Variants in MYO3B observed in about 807,000 individuals in gnomAD.
The protein encoded by MYO3B is myosin IIIB, also known as myosin-IIIb.
In MYO3B, 156 loss-of-function variants were observed where a neutral mutation model predicts 174.6. The observed-to-expected ratio is 0.89, with a 90% CI of 0.78 to 1.02. The LOEUF is 1.02. Ranked by LOEUF, MYO3B falls within the 50% of genes least tolerant of loss-of-function variation. The pLI, the probability that MYO3B is intolerant of heterozygous loss-of-function variation, is 0.00. For synonymous variants in MYO3B, 563 were observed against 569.1 expected, an observed-to-expected ratio of 0.99 and a Z score of 0.15; for missense variants, 1,632 against 1,639.4, an observed-to-expected ratio of 1.00 and a Z score of 0.08.
chr2:170,514,773 C>T (rs1293729472), intron 28 of MYO3B, 148 bp from the exon 29 acceptor site: 3 of 606,704 alleles, frequency 4.9e-6, no homozygotes, highest in Non-Finnish European at 8.7e-6. Flanking sequence ...AAAATAAGCA[C>T]CAAGTTCATA....
At chr2:170,193,383 T>G (rs2092562931) in intron 1 of MYO3B, among the ~76,000 whole-genome samples, 1 of 152,054 alleles carries the variant, frequency 6.6e-6, no homozygotes, top group Non-Finnish European at 1.5e-5. Context: ...ATCATTTACC[T>G]GGTTTATCTT....
At chr2:170,526,488 C>A (rs1379132489) in intron 30 of MYO3B, among the ~76,000 whole-genome samples, 1 of 152,196 alleles carries the variant, frequency 6.6e-6, no homozygotes, top group Non-Finnish European at 1.5e-5. Flanking sequence ...AATGCTCACT[C>A]TCTGCTTTAA....
At chr2:170,382,703 C>T (rs1037735342) in intron 10 of MYO3B, 3 of 185,666 alleles carry the variant, frequency 1.6e-5, no homozygotes, top group African/African-American at 7.1e-5. Context: ...GAGAAATTAA[C>T]TTACCATTCT....
intron 32 of MYO3B, among the ~76,000 whole-genome samples, chr2:170,594,434 C>T (rs547637087): frequency 6.6e-6 from 1 of 152,298 alleles, no homozygotes; most frequent in African/African-American, 2.4e-5. Flanking sequence ...ATTTTAGTCC[C>T]TGGAATACCT....
At chr2:170,533,719 A>G (rs10515938) in intron 30 of MYO3B, among the ~76,000 whole-genome samples, 16,919 of 152,198 alleles carry the variant, frequency 0.11, 1,094 homozygotes, top group Admixed American at 0.19. Context: ...GCAAAATCAT[A>G]AACAATAAGT....
intron 32 of MYO3B, among the ~76,000 whole-genome samples, chr2:170,550,657 G>A (rs1390456585): frequency 6.6e-6 from 1 of 152,188 alleles, no homozygotes; most frequent in Non-Finnish European, 1.5e-5. Context: ...AGACACTTAA[G>A]AGACTAATAC....
intron 26 of MYO3B, among the ~76,000 whole-genome samples, chr2:170,499,413 C>T (rs1268823480): frequency 2.6e-5 from 4 of 152,230 alleles, no homozygotes; most frequent in South Asian, 2.1e-4. Context: ...CATTTGGAAT[C>T]GCTTAAACCC....
At chr2:170,329,230 A>AGTGTGTGTGT (rs72422629) in intron 7 of MYO3B, among the ~76,000 whole-genome samples, 6 of 148,554 alleles carry the variant, frequency 4.0e-5, no homozygotes, top group African/African-American at 1.5e-4. Flanking sequence ...ACAGAAAAAC[A>AGTGTGTGTGT]GTGTGTGTGT....
At chr2:170,630,076 T>C (rs1696815182) in intron 32 of MYO3B, among the ~76,000 whole-genome samples, 1 of 152,106 alleles carries the variant, frequency 6.6e-6, no homozygotes, top group South Asian at 2.1e-4. Flanking sequence ...GTGCAGCCCA[T>C]GGAGGGCGAG....
intron 32 of MYO3B, among the ~76,000 whole-genome samples, chr2:170,572,427 CAA>C (rs570741105): frequency 7.5e-6 from 1 of 132,578 alleles, no homozygotes; most frequent in Non-Finnish European, 1.6e-5. Flanking sequence ...GACTCTGTCT[CAA>C]AAAAAAAAAA....
At chr2:170,492,827 T>A (rs1686577254) in intron 25 of MYO3B, among the ~76,000 whole-genome samples, 1 of 152,202 alleles carries the variant, frequency 6.6e-6, no homozygotes, top group Non-Finnish European at 1.5e-5. Context: ...CAGACTTATG[T>A]CCTTCGCAAT....
intron 9 of MYO3B, among the ~76,000 whole-genome samples, chr2:170,375,414 T>C (rs956503253): frequency 1.3e-5 from 2 of 152,106 alleles, no homozygotes; most frequent in Admixed American, 1.3e-4. Flanking sequence ...GCCGTGCCCC[T>C]GCAGGTGGCT....
chr2:170,472,753 A>G (rs968234233), intron 25 of MYO3B, among the ~76,000 whole-genome samples: 5 of 151,090 alleles, frequency 3.3e-5, no homozygotes, highest in Non-Finnish European at 5.9e-5. Context: ...CCAGGCTGGA[A>G]TGCAGTGGCA....
intron 30 of MYO3B, chr2:170,524,479 A>T (rs1475812767): frequency 6.7e-6 from 3 of 446,266 alleles, no homozygotes; most frequent in Non-Finnish European, 1.3e-5. Context: ...GCACTGTGCT[A>T]AGTGGTTTTG....
At chr2:170,524,063 G>A (rs778084169) in intron 30 of MYO3B, among the ~76,000 whole-genome samples, 2 of 152,304 alleles carry the variant, frequency 1.3e-5, no homozygotes, top group South Asian at 2.1e-4. Flanking sequence ...TCATAAGGAC[G>A]ATCCGTATAT....
intron 7 of MYO3B, among the ~76,000 whole-genome samples, chr2:170,263,244 C>T (rs558647744): frequency 6.6e-6 from 1 of 152,280 alleles, no homozygotes; most frequent in South Asian, 2.1e-4. Flanking sequence ...GAGGCATCAA[C>T]TTGGCTGCTA....
chr2:170,212,666 A>T (rs940532241), intron 3 of MYO3B, among the ~76,000 whole-genome samples: 1 of 152,198 alleles, frequency 6.6e-6, no homozygotes. Flanking sequence ...GCAAAGTGAG[A>T]TGGAGTCCTG....
chr2:170,511,885 C>T (rs1688012518), intron 28 of MYO3B, among the ~76,000 whole-genome samples: 1 of 152,122 alleles, frequency 6.6e-6, no homozygotes, highest in African/African-American at 2.4e-5. Context: ...CAGAAGCAGG[C>T]AGGACATAAA....
At chr2:170,652,185 C>CAGAAGGGG in intron 34 of MYO3B, 31 bp downstream of exon 34, 1 of 1,600,892 alleles carries the variant, frequency 6.2e-7, no homozygotes, top group Middle Eastern at 1.7e-4. Flanking sequence ...TTCTAAGCAA[C>CAGAAGGGG]TGTAAACAGA....
Sources: gnomAD v4.1 joint callset for allele counts (sites outside exome capture counted in the v4.1 genomes callset) on GRCh38, gnomAD v4.1.1 for gene constraint, MANE v1.5 for transcripts, NCBI Gene and HGNC (gene_info 2026-07-23, HGNC 2026-07-21) for gene names.